The following MAPKAP1 variants were observed in gnomAD, a reference collection of about 807,000 sequenced individuals.
MAPKAP1 encodes the protein MAPK associated protein 1, also known as target of rapamycin complex 2 subunit MAPKAP1.
MAPKAP1 carries 20 observed loss-of-function variants against 65.7 expected under a neutral mutation model. That is an observed-to-expected ratio of 0.30 (90% CI 0.21 to 0.44). The LOEUF is 0.44. Among genes scored for constraint, MAPKAP1 ranks in the 20% least tolerant of loss-of-function variants. MAPKAP1 has a pLI of 1.00. For missense variants in MAPKAP1, 423 were observed against 648.0 expected (o/e 0.65, Z 3.77); for synonymous variants, 222 against 244.3 (o/e 0.91, Z 0.85).
intron 7 of MAPKAP1, among the ~76,000 whole-genome samples, chr9:125,534,225 T>C (rs1465967882): frequency 6.6e-6 from 1 of 152,194 alleles, no homozygotes; most frequent in East Asian, 1.9e-4. Flanking sequence ...CCTATATGTA[T>C]ATCTGTATGT....
chr9:125,532,402 T>G (rs940833757), intron 7 of MAPKAP1, among the ~76,000 whole-genome samples: 1 of 152,242 alleles, frequency 6.6e-6, no homozygotes, highest in African/African-American at 2.4e-5. Flanking sequence ...CTGAGGATAT[T>G]GTCTTCAAAA....
chr9:125,682,066 T>A (rs1485091862), intron 1 of MAPKAP1, among the ~76,000 whole-genome samples: 1 of 148,520 alleles, frequency 6.7e-6, no homozygotes, highest in Non-Finnish European at 1.5e-5. Flanking sequence ...CCCTCCCCTA[T>A]GTTTGTTTTA....
At position 125,676,978 on chromosome 9, in the gene MAPKAP1, T is replaced by A. The variant is rs377451196; in HGVS notation, c.-69-4335A>T. Among the ~76,000 whole-genome samples, 20 of 152,326 alleles carry A rather than the reference T, an allele frequency of 1.3e-4. No homozygotes were observed. In the East Asian group the frequency reaches 3.3e-3, roughly 25 times the overall value. ...TAGTAACAATATATCCCAAACTTAT[T>A]CCATCCATAAATATTGTTTTCTGTA... is the stretch of plus-strand genomic sequence containing the variant. On this transcript the variant is annotated intron_variant, in intron 1 of 11. Coordinates refer to ENST00000265960, the MANE Select transcript of MAPKAP1 (RefSeq NM_001006617.3).
intron 1 of MAPKAP1, among the ~76,000 whole-genome samples, chr9:125,682,187 C>CTCTT (rs1462467791): frequency 6.6e-6 from 1 of 152,212 alleles, no homozygotes; most frequent in African/African-American, 2.4e-5. Context: ...TCCTAGGACT[C>CTCTT]TCTTAACCTC....
intron 7 of MAPKAP1, among the ~76,000 whole-genome samples, chr9:125,533,049 C>T (rs1829976493): frequency 1.3e-5 from 2 of 152,240 alleles, no homozygotes; most frequent in South Asian, 2.1e-4. Flanking sequence ...AGCTGTGTGG[C>T]TTGGATGCGT....
In MAPKAP1 at chr9:125,585,671, C is replaced by T. The variant is rs369142053; in HGVS notation, c.555G>A (p.Ser185=). The change falls in exon 5 of 12, where the codon TCG becomes TCA. Residue 185 remains serine, a synonymous_variant. Transcript: ENST00000265960. ...KKIDVYLPLH[S]SQDRLLPMTV... is the part of the protein sequence containing the mutation. ...TCATTGGCAGCAGTCTGTCCTGGCT[C>T]GAGTGCAGAGGGAGGTAGACATCGA... 59 of 1,614,090 alleles carry T rather than the reference C, an allele frequency of 3.7e-5. No homozygotes were observed. Among genetic ancestry groups the T allele is most frequent in the Admixed American group, 5.0e-5 (3 of 60,004 alleles).
intron 4 of MAPKAP1, among the ~76,000 whole-genome samples, chr9:125,591,391 G>A (rs1831958756): frequency 1.3e-5 from 2 of 152,146 alleles, no homozygotes; most frequent in Admixed American, 6.5e-5. Context: ...GTTGACTGAA[G>A]GGCAGTCACC....
At chr9:125,549,910 G>C (rs902995227) in intron 6 of MAPKAP1, among the ~76,000 whole-genome samples, 7 of 152,108 alleles carry the variant, frequency 4.6e-5, no homozygotes, top group African/African-American at 1.4e-4. Flanking sequence ...CTATATAACT[G>C]CAAAGACATT....
intron 4 of MAPKAP1, among the ~76,000 whole-genome samples, chr9:125,610,707 A>C (rs778784125): frequency 5.3e-5 from 8 of 152,222 alleles, no homozygotes; most frequent in Non-Finnish European, 8.8e-5. Flanking sequence ...ACATAAACGA[A>C]CCTTCATATG....
chr9:125,693,896 T>C (rs1470787951), intron 1 of MAPKAP1, among the ~76,000 whole-genome samples: 2 of 149,016 alleles, frequency 1.3e-5, no homozygotes, highest in South Asian at 2.1e-4. Flanking sequence ...TGGCCGGGCA[T>C]AGGGGCTCAC....
intron 9 of MAPKAP1, among the ~76,000 whole-genome samples, chr9:125,480,493 T>A (rs1460081893): frequency 6.6e-6 from 1 of 152,118 alleles, no homozygotes; most frequent in Admixed American, 6.5e-5. Flanking sequence ...TGCATGACTG[T>A]CATCATTCAT....
intron 5 of MAPKAP1, among the ~76,000 whole-genome samples, chr9:125,580,742 T>C (rs1244214309): frequency 6.6e-6 from 1 of 152,006 alleles, no homozygotes; most frequent in Non-Finnish European, 1.5e-5. Context: ...TGTACTTGTG[T>C]GTGTGTGTGT....
intron 4 of MAPKAP1, among the ~76,000 whole-genome samples, chr9:125,640,164 CACG>C: frequency 6.6e-6 from 1 of 152,194 alleles, no homozygotes; most frequent in Admixed American, 6.5e-5. Context: ...AGTGCAGTGG[CACG>C]ATCTCTGCTC....
chr9:125,546,724 C>T (rs981181253), intron 6 of MAPKAP1, among the ~76,000 whole-genome samples: 38 of 152,018 alleles, frequency 2.5e-4, no homozygotes, highest in African/African-American at 8.9e-4. Flanking sequence ...TGGTAGTGGG[C>T]AGGAAAGGAA....
intron 4 of MAPKAP1, among the ~76,000 whole-genome samples, chr9:125,610,097 GA>G (rs1327813914): frequency 6.6e-6 from 1 of 152,128 alleles, no homozygotes; most frequent in African/African-American, 2.4e-5. Context: ...TTTTTGGAGG[GA>G]AAGTTCTTAT....
intron 4 of MAPKAP1, among the ~76,000 whole-genome samples, chr9:125,633,156 G>C (rs1306545851): frequency 1.3e-5 from 2 of 152,222 alleles, no homozygotes; most frequent in Non-Finnish European, 2.9e-5. Context: ...GTTGCTGAAG[G>C]AGACTTCATG....
Position 125,545,395 on chromosome 9 carries a change from T to G in MAPKAP1, c.849-2227A>C, listed in dbSNP as rs116996236. ...AAATGCCAGTCAACCACGTTCAGAT[T>G]TGCCTTCCCTTGCTTTCTCCTCAGA... On this transcript the variant is annotated intron_variant, in intron 6 of 11. Transcript: ENST00000265960. Among the ~76,000 whole-genome samples the G allele has an allele frequency of 3.1e-3, 474 of 152,300 alleles. 2 individuals carry two copies. The highest frequency in any genetic ancestry group is 6.8e-3 in the Middle Eastern group (2 of 292).
intron 6 of MAPKAP1, among the ~76,000 whole-genome samples, chr9:125,548,344 C>T (rs904678337): frequency 1.3e-5 from 2 of 152,148 alleles, no homozygotes; most frequent in East Asian, 1.9e-4. Context: ...ACATAGGGCA[C>T]GTAACCCAGC....
chr9:125,620,882 G>T (rs1384003218), intron 4 of MAPKAP1, among the ~76,000 whole-genome samples: 1 of 137,448 alleles, frequency 7.3e-6, no homozygotes, highest in Non-Finnish European at 1.7e-5. Context: ...ATGGTGGACA[G>T]GAGGGAGTGA....
Sources: gnomAD v4.1 joint callset for allele counts (sites outside exome capture counted in the v4.1 genomes callset) on GRCh38, gnomAD v4.1.1 for gene constraint, MANE v1.5 for transcripts, NCBI Gene and HGNC (gene_info 2026-07-23, HGNC 2026-07-21) for gene names.